CEP295: variants seen among roughly 807,000 people sequenced by gnomAD.
CEP295 encodes the protein centrosomal protein 295.
A neutral mutation model predicts 291.6 loss-of-function variants in CEP295; 190 were observed. The ratio of observed to expected loss-of-function variants is 0.65; its 90% CI spans 0.58 to 0.73. CEP295 has a LOEUF of 0.73. Among genes scored for constraint, CEP295 ranks in the 30% least tolerant of loss-of-function variants. The pLI, the probability that CEP295 is intolerant of heterozygous loss-of-function variation, is 0.00. For synonymous variants in CEP295, 993 were observed against 1,038.8 expected, an observed-to-expected ratio of 0.96 and a Z score of 0.85; for missense variants, 2,863 against 2,949.4, an observed-to-expected ratio of 0.97 and a Z score of 0.68.
chr11:93,667,558 GT>G (rs756114946), intron 2 of CEP295, 48 bp from the exon 3 acceptor site: 12 of 1,388,948 alleles, frequency 8.6e-6, no homozygotes, highest in African/African-American at 1.5e-5. Flanking sequence ...TTTCAAAAAA[GT>G]TTAAGTAAAC....
intron 22 of CEP295, among the ~76,000 whole-genome samples, chr11:93,725,081 C>G (rs1268734781): frequency 6.6e-6 from 1 of 151,858 alleles, no homozygotes; most frequent in East Asian, 1.9e-4. Flanking sequence ...ATGGTGAAAT[C>G]CCATCTCTAC....
At chr11:93,709,308 G>A (rs754557881) in intron 18 of CEP295, among the ~76,000 whole-genome samples, 1 of 151,996 alleles carries the variant, frequency 6.6e-6, no homozygotes, top group Non-Finnish European at 1.5e-5. Flanking sequence ...AATCCATTTT[G>A]GTTTGATTTT....
In CEP295 at chr11:93,668,931, T is replaced by C; in HGVS notation, c.433T>C (p.Trp145Arg). ...AGAAATATTACTGAAACAAAAAACC[T>C]GGTAAAGTAATAATTTTTACTATAA... is the stretch of plus-strand genomic sequence containing the variant. ...QKEILLKQKTWHIKARKEALL... is the reference protein window; with the variant it reads ...QKEILLKQKTRHIKARKEALL... The change falls in exon 4 of 30, where the codon TGG becomes CGG. Residue 145 changes from tryptophan (W) to arginine (R), a missense_variant and splice_region_variant. Around this residue, in one of 3 missense-constraint regions of CEP295, gnomAD observed 554 missense variants for 576.0 expected, o/e 0.96. Coordinates refer to ENST00000325212, the MANE Select transcript of CEP295 (RefSeq NM_033395.2). The C allele has an allele frequency of 1.8e-6, 2 of 1,100,846 alleles. No individual in the cohort carries two copies. The highest frequency in any genetic ancestry group is 2.6e-5 in the East Asian group (1 of 38,572). The allele number at this position is 1,100,846 out of a possible 1,614,324, so 68.2% of individuals were successfully genotyped here.
intron 9 of CEP295, among the ~76,000 whole-genome samples, chr11:93,685,101 C>T (rs2134979233): frequency 6.6e-6 from 1 of 152,352 alleles, no homozygotes; most frequent in South Asian, 2.1e-4. Context: ...GTATCACAGT[C>T]TGCAGTTACC....
At chr11:93,695,728 T>C (rs1414534592) in intron 13 of CEP295, 94 bp downstream of exon 13, 29 of 1,392,304 alleles carry the variant, frequency 2.1e-5, no homozygotes, top group Admixed American at 1.8e-4. Flanking sequence ...GTAAAATGGA[T>C]GGCTGGGCGC....
At chr11:93,705,589 A>G (rs1027392372) in intron 17 of CEP295, among the ~76,000 whole-genome samples, 1 of 151,974 alleles carries the variant, frequency 6.6e-6, no homozygotes, top group Non-Finnish European at 1.5e-5. Flanking sequence ...TTCTTTTTTT[A>G]TAGCATCCTG....
In CEP295 at chr11:93,696,731, C is replaced by G; in HGVS notation, c.1819C>G (p.Gln607Glu). ...AGCCAGGAAACAATTACTTGAATATCAAACTATGTTAAAAGGAAGGTGCCC... is the reference window on the plus strand; with the variant it reads ...AGCCAGGAAACAATTACTTGAATATGAAACTATGTTAAAAGGAAGGTGCCC... ...ETARKQLLEY[Q>E]TMLKGRCPSV... Residue 607 changes from glutamine to glutamate, a missense_variant, in exon 15 of 30, where the codon CAA becomes GAA. Gln to Glu is a conservative substitution (Grantham distance 29). Coordinates refer to ENST00000325212, the MANE Select transcript of CEP295 (RefSeq NM_033395.2). The G allele has an allele frequency of 6.4e-7, 1 of 1,551,030 alleles. No homozygotes were observed. The highest frequency in any genetic ancestry group is 8.7e-7 in the Non-Finnish European group (1 of 1,146,516).
intron 18 of CEP295, among the ~76,000 whole-genome samples, chr11:93,720,566 T>C (rs1018434086): frequency 1.3e-5 from 2 of 152,044 alleles, no homozygotes; most frequent in Non-Finnish European, 2.9e-5. Flanking sequence ...CTCCTTGTGC[T>C]ACCATTAATA....
chr11:93,700,268 A>G, intron 15 of CEP295, 82 bp downstream of exon 15: 3 of 1,223,816 alleles, frequency 2.5e-6, no homozygotes, highest in Non-Finnish European at 3.4e-6. Context: ...ACAAGTTTTC[A>G]GTTATTGAGA....
intron 21 of CEP295, 112 bp downstream of exon 21, chr11:93,723,401 C>T: frequency 2.6e-6 from 2 of 769,756 alleles, no homozygotes; most frequent in Non-Finnish European, 4.1e-6. Context: ...TTATGGCCTG[C>T]TACAACACCG....
intron 20 of CEP295, chr11:93,722,762 A>G (rs754613811): frequency 6.4e-5 from 18 of 279,236 alleles, no homozygotes; most frequent in Non-Finnish European, 1.2e-4. Flanking sequence ...TGTCAATTAC[A>G]TTTTTTTTTC....
chr11:93,728,959 AT>A (rs1385053509), intron 25 of CEP295, 138 bp downstream of exon 25: 2 of 696,898 alleles, frequency 2.9e-6, no homozygotes, highest in Non-Finnish European at 4.6e-6. Flanking sequence ...CCAGCTCTCA[AT>A]TTGTCTTAAA....
In CEP295 at chr11:93,706,751, C is replaced by T. The variant is rs1041115771; in HGVS notation, c.5603C>T (p.Pro1868Leu). 6.6e-7 allele frequency: 1 copy of T among 1,526,262 alleles called. No homozygotes were observed. The highest frequency in any genetic ancestry group is 1.4e-5 in the African/African-American group (1 of 71,924). 94.5% of individuals were successfully genotyped at this position (1,526,262 alleles called of 1,614,324 possible). ...AATATTTTTTCCCCCCCAGGTAAAC[C>T]AGGTATTTATGAAGACAGAGACCCC... ...AIGRTSILGK[P>L]GIYEDRDPLR... The change falls in exon 18 of 30, where the codon CCA becomes CTA. Residue 1868 changes from proline (P) to leucine (L), a missense_variant. This residue lies in a region of CEP295 where 2,295 missense variants were observed against 2,335.7 expected (regional missense o/e 0.98). Coordinates refer to ENST00000325212, the MANE Select transcript of CEP295 (RefSeq NM_033395.2).
intron 5 of CEP295, among the ~76,000 whole-genome samples, chr11:93,673,052 G>A (rs866514659): frequency 5.3e-5 from 8 of 152,274 alleles, no homozygotes; most frequent in Middle Eastern, 3.4e-3. Context: ...TCAAGGCATT[G>A]ATTTAAAGTC....
intron 21 of CEP295, 176 bp downstream of exon 21, chr11:93,723,465 A>G (rs967691731): frequency 1.1e-5 from 6 of 540,070 alleles, no homozygotes; most frequent in African/African-American, 3.8e-5. Flanking sequence ...TCTGGAACCA[A>G]TTAGACTCAC....
In CEP295 at chr11:93,698,464, G is replaced by A. The variant is rs1047296424; in HGVS notation, c.3552G>A (p.Gln1184=). The A allele has an allele frequency of 1.3e-6, 2 of 1,551,842 alleles. No homozygotes were observed. Among genetic ancestry groups the A allele is most frequent in the African/African-American group, 2.7e-5 (2 of 73,036 alleles). The part of the protein sequence containing the change: ...RVILGAKEGT[Q]EFVHTESELE... ...TACTTGGTGCTAAAGAAGGAACTCAGGAATTTGTACACACAGAAAGTGAAT... is the reference window on the plus strand; with the variant it reads ...TACTTGGTGCTAAAGAAGGAACTCAAGAATTTGTACACACAGAAAGTGAAT... The change falls in exon 15 of 30, where the codon CAG becomes CAA. Residue 1184 remains glutamine (Q), a synonymous_variant. Coordinates refer to ENST00000325212, the MANE Select transcript of CEP295 (RefSeq NM_033395.2).
At chr11:93,692,100 A>T (rs933145415) in intron 12 of CEP295, 70 bp downstream of exon 12, 3 of 854,678 alleles carry the variant, frequency 3.5e-6, no homozygotes, top group Non-Finnish European at 3.7e-6. Flanking sequence ...TGTTTGGCCA[A>T]TGAAATTTGT....
intron 15 of CEP295, among the ~76,000 whole-genome samples, chr11:93,700,781 T>G (rs1404289969): frequency 6.6e-6 from 1 of 152,210 alleles, no homozygotes; most frequent in Non-Finnish European, 1.5e-5. Context: ...AAGCTTACCA[T>G]AAGATTTAAA....
intron 6 of CEP295, among the ~76,000 whole-genome samples, chr11:93,677,311 G>C (rs1468605123): frequency 6.6e-6 from 1 of 152,060 alleles, no homozygotes; most frequent in Non-Finnish European, 1.5e-5. Context: ...TTCTTTAGCA[G>C]CTTTCTGCAA....
Sources: gnomAD v4.1 joint callset for allele counts (sites outside exome capture counted in the v4.1 genomes callset) on GRCh38, gnomAD v4.1.1 for gene constraint, gnomAD v4.1.1 regional missense constraint, MANE v1.5 for transcripts, NCBI Gene and HGNC (gene_info 2026-07-23, HGNC 2026-07-21) for gene names.